Variants in MYOZ2 observed in about 807,000 individuals in gnomAD.
MYOZ2 encodes myozenin-2.
In MYOZ2, 19 loss-of-function variants were observed where a neutral mutation model predicts 25.4. That is an observed-to-expected ratio of 0.75 (90% confidence interval 0.52 to 1.10). The LOEUF (loss-of-function observed/expected upper bound fraction) is 1.10, where lower values mean the gene tolerates loss of function less well. Among genes scored for constraint, MYOZ2 ranks in the 50% least tolerant of loss-of-function variants. The pLI is 0.00. For synonymous variants in MYOZ2, 92 were observed against 106.9 expected (o/e 0.86, Z 0.86); for missense variants, 270 against 317.9 (o/e 0.85, Z 1.15).
At chr4:119,160,463 A>G (rs1741681790) in intron 4 of MYOZ2, among the ~76,000 whole-genome samples, 1 of 152,112 alleles carries the variant, frequency 6.6e-6, no homozygotes, top group South Asian at 2.1e-4. Flanking sequence ...AGAAGAATTA[A>G]TCTCTATCTT....
At chr4:119,165,534 A>C (rs541192001) in intron 5 of MYOZ2, among the ~76,000 whole-genome samples, 1 of 152,116 alleles carries the variant, frequency 6.6e-6, no homozygotes, top group South Asian at 2.1e-4. Flanking sequence ...AAATAAAATA[A>C]ATAAAAATAA....
At chr4:119,143,715 T>G (rs890258161) in intron 2 of MYOZ2, among the ~76,000 whole-genome samples, 6 of 152,182 alleles carry the variant, frequency 3.9e-5, no homozygotes, top group African/African-American at 1.4e-4. Flanking sequence ...TCTCTCTACC[T>G]CCTTCCAAGT....
At position 119,152,093 on chromosome 4, in the gene MYOZ2, A is replaced by T. The variant is rs189413565; in HGVS notation, c.246+1052A>T. Among the ~76,000 whole-genome samples, 44 of 152,224 alleles carry T rather than the reference A, an allele frequency of 2.9e-4. No individual in the cohort carries two copies. The East Asian group carries it at 6.8e-3, about 23-fold the overall frequency. On this transcript the variant is annotated intron_variant, in intron 3 of 5. Coordinates refer to ENST00000307128, the MANE Select transcript of MYOZ2 (RefSeq NM_016599.5). ...GAAAATGTTGAGAGGACACTTAACAAATTTATTTTCATATTTGTGAGCATT... is the reference window on the plus strand; with the variant it reads ...GAAAATGTTGAGAGGACACTTAACATATTTATTTTCATATTTGTGAGCATT...
At chr4:119,154,068 G>A (rs4264818) in intron 3 of MYOZ2, among the ~76,000 whole-genome samples, 36,036 of 151,956 alleles carry the variant, frequency 0.24, 4,364 homozygotes, top group Middle Eastern at 0.29. Context: ...ACTGGGAAAA[G>A]GGGAATTATA....
At chr4:119,161,734 T>G (rs796641522) in intron 4 of MYOZ2, among the ~76,000 whole-genome samples, 62 of 152,290 alleles carry the variant, frequency 4.1e-4, no homozygotes, top group African/African-American at 1.3e-3. Context: ...TTTAATAGAT[T>G]ATTGTGAAAC....
intron 2 of MYOZ2, among the ~76,000 whole-genome samples, chr4:119,138,820 A>G (rs932730083): frequency 2.0e-5 from 3 of 152,072 alleles, no homozygotes; most frequent in African/African-American, 7.2e-5. Context: ...TGGCTAAATC[A>G]CTTGTTGTCC....
intron 2 of MYOZ2, 134 bp downstream of exon 2, chr4:119,136,735 G>C (rs1011336354): frequency 2.1e-6 from 2 of 932,100 alleles, no homozygotes; most frequent in Non-Finnish European, 1.7e-6. Flanking sequence ...GGAGCTCTAG[G>C]GGGTGTAGAA....
chr4:119,172,479 C>T (rs916764861), intron 5 of MYOZ2, among the ~76,000 whole-genome samples: 1 of 152,024 alleles, frequency 6.6e-6, no homozygotes, highest in African/African-American at 2.4e-5. Flanking sequence ...TGGGTGGGGG[C>T]CACAAGATCA....
At chr4:119,153,753 G>A (rs950471373) in intron 3 of MYOZ2, among the ~76,000 whole-genome samples, 2 of 152,048 alleles carry the variant, frequency 1.3e-5, no homozygotes, top group East Asian at 3.9e-4. Flanking sequence ...GTGTAGCTTT[G>A]AATTCTACTG....
chr4:119,167,616 C>G (rs1455334029), intron 5 of MYOZ2, among the ~76,000 whole-genome samples: 1 of 152,194 alleles, frequency 6.6e-6, no homozygotes, highest in Non-Finnish European at 1.5e-5. Flanking sequence ...TCTATGGCTT[C>G]CATAGCTAGA....
At chr4:119,174,402 G>C (rs1742012063) in intron 5 of MYOZ2, among the ~76,000 whole-genome samples, 1 of 151,920 alleles carries the variant, frequency 6.6e-6, no homozygotes, top group South Asian at 2.1e-4. Flanking sequence ...TGGACACTCT[G>C]TATCTAGCTG....
At chr4:119,150,603 C>T (rs1239057202) in intron 2 of MYOZ2, among the ~76,000 whole-genome samples, 4 of 151,828 alleles carry the variant, frequency 2.6e-5, no homozygotes, top group Non-Finnish European at 5.9e-5. Flanking sequence ...GTAATTACAG[C>T]TAACTTTTTA....
chr4:119,149,079 GAC>G, intron 2 of MYOZ2, among the ~76,000 whole-genome samples: 1 of 150,892 alleles, frequency 6.6e-6, no homozygotes, highest in South Asian at 2.1e-4. Flanking sequence ...GTTCTTATCT[GAC>G]ACTGCTCCAG....
At chr4:119,179,076 C>T (rs1578371081) in intron 5 of MYOZ2, among the ~76,000 whole-genome samples, 1 of 152,198 alleles carries the variant, frequency 6.6e-6, no homozygotes, top group African/African-American at 2.4e-5. Context: ...CAAATCAGGT[C>T]GTGTCCCCTT....
intron 5 of MYOZ2, among the ~76,000 whole-genome samples, chr4:119,180,594 C>T (rs1742167313): frequency 6.6e-6 from 1 of 152,220 alleles, no homozygotes; most frequent in African/African-American, 2.4e-5. Flanking sequence ...TTGCTCGTCA[C>T]CCATGCTGGA....
At chr4:119,177,545 C>T (rs1742104173) in intron 5 of MYOZ2, among the ~76,000 whole-genome samples, 1 of 152,122 alleles carries the variant, frequency 6.6e-6, no homozygotes, top group Admixed American at 6.5e-5. Context: ...TATACCTCAC[C>T]CTACTCCTCA....
At chr4:119,159,899 GA>G (rs750190886) in intron 4 of MYOZ2, among the ~76,000 whole-genome samples, 8 of 152,148 alleles carry the variant, frequency 5.3e-5, no homozygotes, top group Non-Finnish European at 1.2e-4. Flanking sequence ...ATACAATTCT[GA>G]AATGGATTAT....
At position 119,150,943 on chromosome 4, in the gene MYOZ2, C is replaced by T. The variant is rs1015335570; in HGVS notation, c.148C>T (p.Leu50Phe). 1.9e-6 allele frequency: 3 copies of T among 1,613,770 alleles called. No individual in the cohort carries two copies. The highest frequency in any genetic ancestry group is 2.5e-6 in the Non-Finnish European group (3 of 1,179,742). ...CATCATGTTGGAAGAATTATCCCAT[C>T]TCAGTAACCGTGGTGCCAGGCTATT... ...RDIMLEELSH[L>F]SNRGARLFKM... Residue 50 changes from leucine (L) to phenylalanine (F), a missense_variant, in exon 3 of 6, where the codon CTC (leucine) becomes TTC (phenylalanine). Physicochemically the swap from Leu to Phe is conservative, Grantham distance 22 (BLOSUM62 0). Coordinates refer to ENST00000307128, the MANE Select transcript of MYOZ2 (RefSeq NM_016599.5).
intron 4 of MYOZ2, among the ~76,000 whole-genome samples, chr4:119,161,275 G>A (rs957371600): frequency 1.3e-5 from 2 of 152,116 alleles, no homozygotes; most frequent in African/African-American, 4.8e-5. Context: ...GTATTATTAT[G>A]TACTTTACTA....
Sources: gnomAD v4.1 joint callset for allele counts (sites outside exome capture counted in the v4.1 genomes callset) on GRCh38, gnomAD v4.1.1 for gene constraint, MANE v1.5 for transcripts, NCBI Gene and HGNC (gene_info 2026-07-23, HGNC 2026-07-21) for gene names.